Variants in DLG2 observed in about 807,000 individuals in gnomAD.
DLG2 encodes the protein disks large homolog 2.
A neutral mutation model predicts 132.5 loss-of-function variants in DLG2; 45 were observed. The ratio of observed to expected loss-of-function variants is 0.34; its 90% CI spans 0.27 to 0.44. The LOEUF (loss-of-function observed/expected upper bound fraction) is 0.44. Among genes scored for constraint, DLG2 ranks in the 20% least tolerant of loss-of-function variants. The pLI, the probability that DLG2 is intolerant of heterozygous loss-of-function variation, is 1.00. For missense variants in DLG2, 1,045 were observed against 1,196.9 expected (o/e 0.87, Z 1.87); for synonymous variants, 424 against 419.6 (o/e 1.01, Z -0.13).
At chr11:85,422,750 C>A (rs1282055771) in intron 3 of DLG2, among the ~76,000 whole-genome samples, 2 of 152,066 alleles carry the variant, frequency 1.3e-5, no homozygotes, top group Non-Finnish European at 1.5e-5. Context: ...CTCAGCCTCC[C>A]AAGGTTCTAG....
chr11:84,039,874 A>G (rs1237179657), intron 11 of DLG2, among the ~76,000 whole-genome samples: 1 of 148,006 alleles, frequency 6.8e-6, no homozygotes, highest in Non-Finnish European at 1.5e-5. Context: ...CATCCTCTCC[A>G]GCACCTGTTG....
At chr11:83,791,974 A>G (rs1594458431) in intron 17 of DLG2, among the ~76,000 whole-genome samples, 1 of 152,136 alleles carries the variant, frequency 6.6e-6, no homozygotes, top group South Asian at 2.1e-4. Context: ...TTGCCTTTTT[A>G]TTTAACTGAA....
chr11:84,396,650 C>A (rs1272793046), intron 7 of DLG2, among the ~76,000 whole-genome samples: 2 of 152,192 alleles, frequency 1.3e-5, no homozygotes, highest in Admixed American at 1.3e-4. Context: ...AGCTCTCCTG[C>A]CTAAGAGGTA....
intron 3 of DLG2, among the ~76,000 whole-genome samples, chr11:85,398,942 G>A (rs1290077932): frequency 6.6e-6 from 1 of 151,946 alleles, no homozygotes; most frequent in Non-Finnish European, 1.5e-5. Flanking sequence ...CAATTAGGCA[G>A]GAGAAGGAAA....
At chr11:85,041,587 T>G (rs1433288171) in intron 6 of DLG2, among the ~76,000 whole-genome samples, 1 of 151,922 alleles carries the variant, frequency 6.6e-6, no homozygotes, top group Non-Finnish European at 1.5e-5. Context: ...GAAAATGTTT[T>G]AGAGAGGGAT....
At chr11:84,604,646 T>C (rs1406883655) in intron 6 of DLG2, among the ~76,000 whole-genome samples, 2 of 151,902 alleles carry the variant, frequency 1.3e-5, no homozygotes, top group Non-Finnish European at 2.9e-5. Context: ...AAGTAAAATG[T>C]ATTGCTAAGT....
chr11:84,001,526 G>A (rs1207201094), intron 11 of DLG2, among the ~76,000 whole-genome samples: 9 of 151,934 alleles, frequency 5.9e-5, no homozygotes, highest in Admixed American at 3.3e-4. Flanking sequence ...TATCCCACTC[G>A]GCATTAGACA....
At chr11:84,267,726 C>T (rs1228751916) in intron 7 of DLG2, among the ~76,000 whole-genome samples, 1 of 152,224 alleles carries the variant, frequency 6.6e-6, no homozygotes, top group Admixed American at 6.5e-5. Flanking sequence ...TTTGAGACCA[C>T]ATAGTTTCTC....
chr11:85,623,128 C>T (rs141486233), intron 2 of DLG2, among the ~76,000 whole-genome samples: 1 of 150,244 alleles, frequency 6.7e-6, no homozygotes, highest in Admixed American at 6.6e-5. Context: ...AATGTCAAAA[C>T]ATATACATAT....
intron 7 of DLG2, among the ~76,000 whole-genome samples, chr11:84,476,161 A>G (rs1235801676): frequency 6.6e-6 from 1 of 152,146 alleles, no homozygotes; most frequent in Non-Finnish European, 1.5e-5. Flanking sequence ...AGAAGTTAGG[A>G]AACTTGTTCA....
intron 14 of DLG2, among the ~76,000 whole-genome samples, chr11:83,932,401 A>AT (rs111701510): frequency 1.3e-5 from 2 of 151,774 alleles, no homozygotes; most frequent in Non-Finnish European, 2.9e-5. Flanking sequence ...CGCCCGGCTA[A>AT]TTTTTTGTAT....
At chr11:84,181,403 G>C (rs12799887) in intron 8 of DLG2, among the ~76,000 whole-genome samples, 9,681 of 151,664 alleles carry the variant, frequency 0.064, 382 homozygotes, top group African/African-American at 0.097. Flanking sequence ...CATTTAAAAC[G>C]AAAAAAGGCA....
intron 15 of DLG2, among the ~76,000 whole-genome samples, chr11:83,899,617 G>A (rs1018804222): frequency 6.6e-6 from 1 of 152,168 alleles, no homozygotes; most frequent in Non-Finnish European, 1.5e-5. Flanking sequence ...CCCTGCACAA[G>A]CTCTCTCTTC....
intron 6 of DLG2, among the ~76,000 whole-genome samples, chr11:84,657,947 C>T (rs1213860474): frequency 6.6e-6 from 1 of 152,172 alleles, no homozygotes; most frequent in Non-Finnish European, 1.5e-5. Context: ...TTTAGTTGGG[C>T]ATATAACCAT....
In DLG2 at chr11:84,711,365, AGAGAGAGAGAGAGAGATC is replaced by A. The variant is rs1278857388; in HGVS notation, c.358-176652_358-176635del. Among the ~76,000 whole-genome samples the A allele has an allele frequency of 6.0e-3, 586 of 97,424 alleles. 15 individuals are homozygous for A. The highest frequency in any genetic ancestry group is 0.039 in the African/African-American group (461 of 11,746). 63.9% of individuals were successfully genotyped at this position (97,424 alleles called of 152,430 possible). A position where few individuals can be genotyped will look rare whatever the true frequency, so the allele number is the denominator to read the frequency against. On this transcript the variant is annotated intron_variant, in intron 6 of 27. Transcript: ENST00000376104. ...GAGAGAGAGAGAGAGAGAGAGAGAG[AGAGAGAGAGAGAGAGATC>A]GATCGATCTAGCTATCCTCCCCCAC...
intron 6 of DLG2, among the ~76,000 whole-genome samples, chr11:84,651,246 T>G (rs2099681685): frequency 6.6e-6 from 1 of 152,142 alleles, no homozygotes. Flanking sequence ...ACTCCTTTTC[T>G]TTTCATCTAT....
In DLG2 at chr11:84,556,562, T is replaced by C. The variant is rs76273678; in HGVS notation, c.358-21831A>G. Reference sequence around the variant, plus strand: ...AAATTGCAAAACAGTCCCACGATGTTATTCAAATGTTTTTGCATTTGTGTT... The same window carrying C: ...AAATTGCAAAACAGTCCCACGATGTCATTCAAATGTTTTTGCATTTGTGTT... On this transcript the variant is annotated intron_variant, in intron 6 of 27. Coordinates refer to ENST00000376104, the MANE Select transcript of DLG2 (RefSeq NM_001142699.3). Among the ~76,000 whole-genome samples the C allele has an allele frequency of 8.7e-3, 1,321 of 152,290 alleles. 14 individuals carry two copies. The highest frequency in any genetic ancestry group is 0.03 in the African/African-American group (1,267 of 41,554).
At chr11:83,663,270 G>A (rs2074771166) in intron 18 of DLG2, among the ~76,000 whole-genome samples, 1 of 152,126 alleles carries the variant, frequency 6.6e-6, no homozygotes, top group African/African-American at 2.4e-5. Context: ...TCTGAGAGTA[G>A]AGCCCTGGAC....
intron 5 of DLG2, among the ~76,000 whole-genome samples, chr11:85,127,531 G>A (rs2075273625): frequency 6.6e-6 from 1 of 152,008 alleles, no homozygotes; most frequent in Non-Finnish European, 1.5e-5. Context: ...CCCATTAGAC[G>A]AAAGGTTCCA....
Sources: allele counts gnomAD v4.1 joint callset (sites outside exome capture counted in the v4.1 genomes callset), GRCh38; gene constraint gnomAD v4.1.1; transcripts MANE v1.5; gene names NCBI Gene and HGNC (gene_info 2026-07-23, HGNC 2026-07-21).